CENPP: variants seen among roughly 807,000 people sequenced by gnomAD.
CENPP encodes centromere protein P.
Under a neutral mutation model 35.6 loss-of-function variants are expected in CENPP, and 24 were observed. The ratio of observed to expected loss-of-function variants is 0.67; its 90% CI spans 0.49 to 0.95. The LOEUF (loss-of-function observed/expected upper bound fraction) is 0.95. Among genes scored for constraint, CENPP ranks in the 40% least tolerant of loss-of-function variants. The pLI, the probability that CENPP is intolerant of heterozygous loss-of-function variation, is 0.00. For missense variants in CENPP, 332 were observed against 345.3 expected (o/e 0.96, Z 0.31); for synonymous variants, 120 against 125.5 (o/e 0.96, Z 0.29).
intron 5 of CENPP, among the ~76,000 whole-genome samples, chr9:92,499,457 C>G (rs537421044): frequency 6.6e-6 from 1 of 152,240 alleles, no homozygotes; most frequent in South Asian, 2.1e-4. Context: ...AATAAGAATT[C>G]AAACAACATT....
At position 92,429,932 on chromosome 9, in the gene CENPP, A is replaced by G. The variant is rs1442179248; in HGVS notation, c.564+50073A>G. Among the ~76,000 whole-genome samples, 7 of 152,162 alleles carry G rather than the reference A, an allele frequency of 4.6e-5. No homozygotes were observed. In the East Asian group the frequency reaches 1.3e-3, roughly 29 times the overall value. Reference sequence around the variant, plus strand: ...AAAGCATTCTTGTATGAAATTGGAGATGTTTCTACTCTTTTCCTAATGTAA... The same window carrying G: ...AAAGCATTCTTGTATGAAATTGGAGGTGTTTCTACTCTTTTCCTAATGTAA... On this transcript the variant is annotated intron_variant, in intron 5 of 7. Transcript: ENST00000375587.
chr9:92,502,719 C>T, intron 5 of CENPP: 2 of 1,273,608 alleles, frequency 1.6e-6, no homozygotes, highest in African/African-American at 1.5e-5. Flanking sequence ...TTCATGGAGA[C>T]TAAAATAGTG....
rs1189147735 is a variant in CENPP at position 92,614,138 on chromosome 9, T to TAAC, written c.*990_*992dup. On this transcript the variant is annotated 3_prime_UTR_variant, in exon 8 of 8. Coordinates refer to ENST00000375587, the MANE Select transcript of CENPP (RefSeq NM_001012267.3). Reference sequence around the variant, plus strand: ...CCTGTCTGGGCCCTGTGCTAGGCAATAACTCTTGCAGCCCTGAAGGACCTA... The same window carrying TAAC: ...CCTGTCTGGGCCCTGTGCTAGGCAATAACAACTCTTGCAGCCCTGAAGGACCTA... The TAAC allele has an allele frequency of 6.6e-6, 1 of 152,252 alleles. No individual in the cohort carries two copies. Among genetic ancestry groups the TAAC allele is most frequent in the African/African-American group, 2.4e-5 (1 of 41,430 alleles). The allele number at this position is 152,252 out of a possible 1,614,324, so 9.4% of individuals were successfully genotyped here.
chr9:92,330,909 C>T lies in CENPP; in HGVS notation c.108-1261C>T, dbSNP rs373017419. Among the ~76,000 whole-genome samples, 25 of 151,996 alleles carry T rather than the reference C, an allele frequency of 1.6e-4. No individual in the cohort carries two copies. In the East Asian group the frequency reaches 3.9e-3, roughly 24 times the overall value. ...TTCACCATATTGGCCAGGCTGGTCTCGAACTCCTGACCTCAAGTGATCCAC... is the reference window on the plus strand; with the variant it reads ...TTCACCATATTGGCCAGGCTGGTCTTGAACTCCTGACCTCAAGTGATCCAC... On this transcript the variant is annotated intron_variant, in intron 1 of 7. Transcript: ENST00000375587.
At chr9:92,369,308 A>T (rs2130849437) in intron 4 of CENPP, among the ~76,000 whole-genome samples, 1 of 152,278 alleles carries the variant, frequency 6.6e-6, no homozygotes, top group African/African-American at 2.4e-5. Context: ...AAGCCGGCTT[A>T]AGCTTGGCTT....
chr9:92,392,887 A>G (rs567823390), intron 5 of CENPP, among the ~76,000 whole-genome samples: 13 of 152,302 alleles, frequency 8.5e-5, no homozygotes, highest in Non-Finnish European at 1.3e-4. Flanking sequence ...GTCACCAGTA[A>G]AGAAAGATCA....
chr9:92,347,264 C>G (rs1315022930), intron 4 of CENPP, among the ~76,000 whole-genome samples: 1 of 152,176 alleles, frequency 6.6e-6, no homozygotes, highest in Non-Finnish European at 1.5e-5. Flanking sequence ...CACATATTTC[C>G]TTTTGTTCAG....
chr9:92,565,293 TAAAAAAAAAA>T (rs3078380), intron 5 of CENPP, among the ~76,000 whole-genome samples: 53 of 33,164 alleles, frequency 1.6e-3, no homozygotes, highest in African/African-American at 6.5e-3. Flanking sequence ...GCTGATGAGC[TAAAAAAAAAA>T]AAAAAAAAAA....
chr9:92,553,403 A>C (rs13301492), intron 5 of CENPP, among the ~76,000 whole-genome samples: 65,216 of 151,920 alleles, frequency 0.43, 16,595 homozygotes, highest in African/African-American at 0.71. Context: ...TTTTTTGGTT[A>C]CATATGAATT....
chr9:92,424,010 C>T (rs1319295948), intron 5 of CENPP, among the ~76,000 whole-genome samples: 1 of 151,980 alleles, frequency 6.6e-6, no homozygotes, highest in Admixed American at 6.6e-5. Flanking sequence ...AAGTTAAACT[C>T]ATTATACTAC....
At chr9:92,581,505 A>G (rs1162790761) in intron 5 of CENPP, among the ~76,000 whole-genome samples, 2 of 152,194 alleles carry the variant, frequency 1.3e-5, no homozygotes, top group African/African-American at 2.4e-5. Context: ...GCAAACTCTG[A>G]TCCTTCAACA....
At chr9:92,333,080 A>G (rs113076958) in intron 2 of CENPP, among the ~76,000 whole-genome samples, 3,142 of 152,302 alleles carry the variant, frequency 0.021, 119 homozygotes, top group African/African-American at 0.07. Context: ...CTTTTGCTGG[A>G]AGGAAGGTTT....
At chr9:92,490,472 A>G (rs370142831) in intron 5 of CENPP, among the ~76,000 whole-genome samples, 2 of 152,228 alleles carry the variant, frequency 1.3e-5, no homozygotes, top group East Asian at 3.8e-4. Context: ...GGATAGATAA[A>G]TAGTTCAGTC....
chr9:92,416,505 T>A, intron 5 of CENPP: 1 of 692,120 alleles, frequency 1.4e-6, no homozygotes, highest in Non-Finnish European at 2.3e-6. Flanking sequence ...CTTAAGCAAC[T>A]TCAAAACAAC....
chr9:92,523,976 G>A (rs1848232896), intron 5 of CENPP, among the ~76,000 whole-genome samples: 1 of 152,194 alleles, frequency 6.6e-6, no homozygotes, highest in Non-Finnish European at 1.5e-5. Context: ...GTAAACAAAT[G>A]AGCATGGATG....
chr9:92,338,509 G>A (rs1405983415), intron 3 of CENPP, among the ~76,000 whole-genome samples: 2 of 152,012 alleles, frequency 1.3e-5, no homozygotes, highest in Non-Finnish European at 2.9e-5. Context: ...CCAATACAAT[G>A]TAAACGCTAT....
chr9:92,451,774 T>G (rs2131022927), intron 5 of CENPP, among the ~76,000 whole-genome samples: 1 of 150,422 alleles, frequency 6.6e-6, no homozygotes, highest in South Asian at 2.1e-4. Flanking sequence ...TTTATTTCAT[T>G]GAGCAGTGGT....
At chr9:92,519,531 A>G (rs1475707252) in intron 5 of CENPP, among the ~76,000 whole-genome samples, 1 of 152,232 alleles carries the variant, frequency 6.6e-6, no homozygotes, top group Non-Finnish European at 1.5e-5. Flanking sequence ...TTGATTTTCA[A>G]GAAGGGTGTC....
intron 1 of CENPP, among the ~76,000 whole-genome samples, chr9:92,329,920 G>A (rs1840689703): frequency 6.6e-6 from 1 of 152,158 alleles, no homozygotes; most frequent in Non-Finnish European, 1.5e-5. Flanking sequence ...AAAAGAAGCT[G>A]TGGTAGTTTC....
Sources: gnomAD v4.1 joint callset for allele counts (sites outside exome capture counted in the v4.1 genomes callset) on GRCh38, gnomAD v4.1.1 for gene constraint, MANE v1.5 for transcripts, NCBI Gene and HGNC (gene_info 2026-07-23, HGNC 2026-07-21) for gene names.